Variants in IQGAP3 observed in about 807,000 individuals in gnomAD.
IQGAP3 encodes IQ motif containing GTPase activating protein 3.
IQGAP3 carries 165 observed loss-of-function variants against 208.2 expected under a neutral mutation model. The ratio of observed to expected loss-of-function variants is 0.79; its 90% CI spans 0.70 to 0.90. IQGAP3 has a LOEUF of 0.90. Among genes scored for constraint, IQGAP3 ranks in the 40% least tolerant of loss-of-function variants. The probability of loss-of-function intolerance (pLI) is 0.00; values close to 1 mark genes in which losing one functional copy is unlikely to be tolerated. For synonymous variants in IQGAP3, 703 were observed against 803.6 expected (o/e 0.87, Z 2.12); for missense variants, 1,811 against 2,043.1 (o/e 0.89, Z 2.19).
At chr1:156,538,215 C>A (rs1674800119) in intron 26 of IQGAP3, among the ~76,000 whole-genome samples, 1 of 152,226 alleles carries the variant, frequency 6.6e-6, no homozygotes, top group African/African-American at 2.4e-5. Flanking sequence ...TGCCTGCCAC[C>A]ACGCCCGGCT....
intron 11 of IQGAP3, among the ~76,000 whole-genome samples, chr1:156,559,892 G>C (rs1371982166): frequency 6.6e-6 from 1 of 152,188 alleles, no homozygotes; most frequent in African/African-American, 2.4e-5. Flanking sequence ...TTCAACAAGG[G>C]AGATAAGATC....
In IQGAP3 at chr1:156,544,431, C is replaced by T. The variant is rs1675136161; in HGVS notation, c.2346G>A (p.Glu782=). 2 of 1,614,192 alleles carry T rather than the reference C, an allele frequency of 1.2e-6. No homozygotes were observed. Among genetic ancestry groups the T allele is most frequent in the East Asian group, 2.2e-5 (1 of 44,890 alleles). ...RGYRQRKIYL[E]WLQYFKANLD... is the part of the protein sequence containing the mutation. ...GGTTTGCTTTAAAATACTGCAACCA[C>T]TCCAGGTAAATCTTCCGCTGCCTAT... Residue 782 remains glutamate (E), a synonymous_variant, in exon 20 of 38, where the codon GAG becomes GAA. Transcript: ENST00000361170.
intron 27 of IQGAP3, 130 bp from the exon 28 acceptor site, chr1:156,535,377 G>C (rs1049019889): frequency 4.7e-6 from 3 of 642,436 alleles, no homozygotes; most frequent in African/African-American, 3.7e-5. Context: ...CTCAAGCACT[G>C]TCCCTCCACT....
In IQGAP3 at chr1:156,553,743, G is replaced by A. The variant is rs546031870; in HGVS notation, c.1448+492C>T. On this transcript the variant is annotated intron_variant, in intron 13 of 37. Coordinates refer to ENST00000361170, the MANE Select transcript of IQGAP3 (RefSeq NM_178229.5). ...ATTAGAGGCATGTGCCACCACGCCCGGCTAATTTTGTATTTTTAGTAGAGA... is the reference window on the plus strand; with the variant it reads ...ATTAGAGGCATGTGCCACCACGCCCAGCTAATTTTGTATTTTTAGTAGAGA... 1.6e-4 allele frequency among the ~76,000 whole-genome samples: 25 copies of A among 152,002 alleles called. No homozygotes were observed. In the East Asian group the frequency reaches 4.1e-3, roughly 25 times the overall value.
chr1:156,531,490 C>T (rs1265068703), intron 32 of IQGAP3, among the ~76,000 whole-genome samples: 1 of 152,062 alleles, frequency 6.6e-6, no homozygotes, highest in Non-Finnish European at 1.5e-5. Flanking sequence ...TTCTCCTTAG[C>T]TCTCAATGCA....
At position 156,528,944 on chromosome 1, in the gene IQGAP3, A is replaced by C; in HGVS notation, c.4543T>G (p.Cys1515Gly). 3 of 1,614,242 alleles carry C rather than the reference A, an allele frequency of 1.9e-6. No homozygotes were observed. Among genetic ancestry groups the C allele is most frequent in the Non-Finnish European group, 2.5e-6 (3 of 1,180,030 alleles). ...GDYYSQYIRA[C>G]LDHLAPDSKS... ...GAGTCGGGGGCCAGGTGGTCCAGGC[A>C]GGCCCGGATGTACTGGCTGTAGTAG... Residue 1515 changes from cysteine to glycine, a missense_variant, in exon 35 of 38, where the codon TGC becomes GGC. Coordinates refer to ENST00000361170, the MANE Select transcript of IQGAP3 (RefSeq NM_178229.5).
At chr1:156,563,962 C>T in intron 5 of IQGAP3, 138 bp from the exon 6 acceptor site, 1 of 650,476 alleles carries the variant, frequency 1.5e-6, no homozygotes, top group East Asian at 2.7e-5. Flanking sequence ...CATCCCCAAC[C>T]CACATAAAGA....
chr1:156,537,407 A>G, intron 26 of IQGAP3, 86 bp from the exon 27 acceptor site: 4 of 1,320,828 alleles, frequency 3.0e-6, no homozygotes, highest in Non-Finnish European at 4.1e-6. Context: ...ACGCTTGTCT[A>G]ACAACAAGAT....
chr1:156,570,765 C>A (rs575807619), intron 1 of IQGAP3, among the ~76,000 whole-genome samples: 1 of 152,354 alleles, frequency 6.6e-6, no homozygotes, highest in East Asian at 1.9e-4. Context: ...CCGCCTTGGC[C>A]TCCCAAAGTG....
At chr1:156,538,256 T>C (rs1387813813) in intron 26 of IQGAP3, among the ~76,000 whole-genome samples, 1 of 152,178 alleles carries the variant, frequency 6.6e-6, no homozygotes, top group Non-Finnish European at 1.5e-5. Context: ...GAGATGGGGT[T>C]TCACCATGTT....
chr1:156,539,629 G>T, intron 24 of IQGAP3, 92 bp from the exon 25 acceptor site: 2 of 1,402,570 alleles, frequency 1.4e-6, no homozygotes, highest in Non-Finnish European at 9.9e-7. Flanking sequence ...TGGAAATCTG[G>T]AATGGAGAAA....
Position 156,552,002 on chromosome 1 carries a change from G to C in IQGAP3, c.1542C>G (p.Val514=). 1 of 1,614,166 alleles carries C rather than the reference G, an allele frequency of 6.2e-7. No homozygotes were observed. The highest frequency in any genetic ancestry group is 1.1e-5 in the South Asian group (1 of 91,074). ...CAGTCTCTTCCTGGGTCTGTGCATT[G>C]ACCTGGCTCACGGTGGCCTGCAGGT... ...WNDLQATVSQ[V]NAQTQEETDR... The change falls in exon 14 of 38, where the codon GTC becomes GTG. Residue 514 remains valine, a synonymous_variant. Transcript: ENST00000361170.
Position 156,572,503 on chromosome 1 carries a change from G to T in IQGAP3, c.27C>A (p.Gly9=). ...CCTCTCCGCACTCACAGGCTGCCCA[G>T]CCTGGGCCCGCTGCTCTCCTCTCCA... MERRAAGP[G]WAAYERLTAE... is the part of the protein sequence containing the mutation. The change falls in exon 1 of 38, where the codon GGC becomes GGA. Residue 9 remains glycine, a synonymous_variant. Transcript: ENST00000361170. 1.2e-6 allele frequency: 2 copies of T among 1,611,660 alleles called. No individual in the cohort carries two copies. The highest frequency in any genetic ancestry group is 8.5e-7 in the Non-Finnish European group (1 of 1,179,952).
chr1:156,538,189 T>C (rs1674798257), intron 26 of IQGAP3, among the ~76,000 whole-genome samples: 1 of 152,142 alleles, frequency 6.6e-6, no homozygotes, highest in East Asian at 1.9e-4. Flanking sequence ...GCCTCCCGAG[T>C]AGCTAGGACT....
In IQGAP3 at chr1:156,526,516, G is replaced by T. The variant is rs368342583; in HGVS notation, c.4866C>A (p.Phe1622Leu). The T allele has an allele frequency of 8.7e-6, 14 of 1,613,934 alleles. No individual in the cohort carries two copies. The highest frequency in any genetic ancestry group is 1.3e-5 in the African/African-American group (1 of 74,944). Residue 1622 changes from phenylalanine (F) to leucine (L), a missense_variant, in exon 38 of 38, where the codon TTC (phenylalanine) becomes TTA (leucine). Transcript: ENST00000361170. ...KAKVNVNLLIFLLNKKFLRK is the reference protein window; with the variant it reads ...KAKVNVNLLILLLNKKFLRK ...TCCGCAAAAACTTCTTGTTGAGGAG[G>T]AAGATGAGAAGGTTGACATTGACTT...
chr1:156,553,500 CCTACTATGTCT>C (rs1251310517), intron 13 of IQGAP3, among the ~76,000 whole-genome samples: 1 of 152,132 alleles, frequency 6.6e-6, no homozygotes, highest in Non-Finnish European at 1.5e-5. Context: ...AAAAACTGTC[CCTACTATGTCT>C]CTACCCATTA....
At position 156,554,232 on chromosome 1, in the gene IQGAP3, C is replaced by T. The variant is rs1180859783; in HGVS notation, c.1448+3G>A. 7 of 1,601,826 alleles carry T rather than the reference C, an allele frequency of 4.4e-6. No individual in the cohort carries two copies. Among genetic ancestry groups the T allele is most frequent in the Non-Finnish European group, 6.0e-6 (7 of 1,175,368 alleles). On this transcript the variant is annotated splice_donor_region_variant and intron_variant, in intron 13 of 37. Transcript: ENST00000361170. The stretch of plus-strand genomic sequence containing the variant: ...TCCCAATGTGTGGCTAAGCCTTTCT[C>T]ACCGCTGGGCATTTTCTCCTTCCAC...
At chr1:156,541,548 T>C (rs1328387432) in intron 22 of IQGAP3, among the ~76,000 whole-genome samples, 1 of 152,216 alleles carries the variant, frequency 6.6e-6, no homozygotes. Flanking sequence ...ATACATAGAA[T>C]GTTTACTATG....
chr1:156,530,055 C>T (rs2102352816), intron 34 of IQGAP3, 50 bp downstream of exon 34: 3 of 1,405,510 alleles, frequency 2.1e-6, no homozygotes, highest in Non-Finnish European at 3.0e-6. Flanking sequence ...TATGCACGCA[C>T]ACACACACAC....
Sources: allele counts gnomAD v4.1 joint callset (sites outside exome capture counted in the v4.1 genomes callset), GRCh38; gene constraint gnomAD v4.1.1; transcripts MANE v1.5; gene names NCBI Gene and HGNC (gene_info 2026-07-23, HGNC 2026-07-21).